The following DMD variants were observed in gnomAD, a reference collection of about 807,000 sequenced individuals.
DMD encodes the protein mutant dystrophin.
DMD carries 63 observed loss-of-function variants against 330.1 expected under a neutral mutation model. That is an observed-to-expected ratio of 0.19 (90% confidence interval 0.16 to 0.24). The LOEUF is 0.24. Among genes scored for constraint, DMD ranks in the 10% least tolerant of loss-of-function variants. The pLI, the probability that DMD is intolerant of heterozygous loss-of-function variation, is 1.00. For missense variants in DMD, 3,344 were observed against 2,684.1 expected (o/e 1.25, Z -5.43); for synonymous variants, 1,223 against 959.8 (o/e 1.27, Z -5.07).
intron 1 of DMD, among the ~76,000 whole-genome samples, chrX:33,190,886 AATAT>A (rs1288114573): frequency 0.31 from 838 of 2,704 alleles, 144 homozygotes; most frequent in Middle Eastern, 0.5. Context: ...TATAATATAT[AATAT>A]TATATATTAT....
At chrX:32,517,728 T>A in intron 18 of DMD, 1 of 407,306 alleles carries the variant, frequency 2.5e-6, no homozygotes, top group Non-Finnish European at 4.3e-6. Flanking sequence ...GGAATCAACA[T>A]GAATTAATGT....
chrX:32,542,815 T>A (rs1387405664), intron 17 of DMD, among the ~76,000 whole-genome samples: 5 of 112,066 alleles, frequency 4.5e-5, no homozygotes, highest in Non-Finnish European at 9.4e-5. Context: ...AATTTATCAA[T>A]CAAGTGTCGT....
intron 4 of DMD, among the ~76,000 whole-genome samples, chrX:32,834,602 A>C (rs1297344269): frequency 9.0e-6 from 1 of 111,296 alleles, no homozygotes; most frequent in Non-Finnish European, 1.9e-5. Flanking sequence ...CTGAATTTCC[A>C]CCCTAGGCTT....
chrX:31,213,306 G>C (rs2044962545), intron 64 of DMD, among the ~76,000 whole-genome samples: 1 of 112,610 alleles, frequency 8.9e-6, no homozygotes, highest in South Asian at 3.7e-4. Flanking sequence ...GTGTAGCCAT[G>C]GGTTGCAGGT....
intron 2 of DMD, among the ~76,000 whole-genome samples, chrX:32,899,975 T>TAA (rs66785774): frequency 9.0e-6 from 1 of 111,013 alleles, no homozygotes; most frequent in East Asian, 2.9e-4. Context: ...GTTTTGTTGA[T>TAA]AAAAAAAAGA....
At chrX:31,585,242 C>T (rs761537802) in intron 55 of DMD, among the ~76,000 whole-genome samples, 2 of 102,981 alleles carry the variant, frequency 1.9e-5, no homozygotes, top group South Asian at 4.6e-4. Context: ...GGGGATCACC[C>T]GAGCCCAGGA....
chrX:31,549,644 A>G (rs2074360771), intron 55 of DMD, among the ~76,000 whole-genome samples: 1 of 112,261 alleles, frequency 8.9e-6, no homozygotes, highest in Admixed American at 9.5e-5. Context: ...CACATCACCT[A>G]GTTTTCACGT....
At chrX:31,174,332 G>A (rs2040300852) in intron 71 of DMD, among the ~76,000 whole-genome samples, 1 of 111,663 alleles carries the variant, frequency 9.0e-6, no homozygotes, top group Non-Finnish European at 1.9e-5. Flanking sequence ...TCATTAGCAG[G>A]AATAGTCTAT....
At chrX:32,893,511 G>A (rs958597689) in intron 2 of DMD, among the ~76,000 whole-genome samples, 9 of 111,821 alleles carry the variant, frequency 8.0e-5, no homozygotes, top group Non-Finnish European at 1.3e-4. Context: ...GAAAGTGACC[G>A]TCTTCCTCCT....
chrX:33,004,842 T>C (rs1057443041), intron 2 of DMD, among the ~76,000 whole-genome samples: 3 of 111,303 alleles, frequency 2.7e-5, no homozygotes, highest in African/African-American at 6.5e-5. Context: ...TCTTGTTAAA[T>C]GTGTTTCTTG....
intron 2 of DMD, among the ~76,000 whole-genome samples, chrX:32,940,107 A>G (rs1043727885): frequency 2.7e-5 from 3 of 111,953 alleles, no homozygotes; most frequent in African/African-American, 9.7e-5. Flanking sequence ...GCAGCACATT[A>G]CCCAACTTCA....
intron 52 of DMD, among the ~76,000 whole-genome samples, chrX:31,717,794 A>C (rs766397019): frequency 2.4e-4 from 27 of 112,236 alleles, no homozygotes; most frequent in Non-Finnish European, 4.3e-4. Flanking sequence ...TTGAGACTTG[A>C]TTTTATCTTT....
chrX:32,649,906 A>G (rs2060033056), intron 9 of DMD, among the ~76,000 whole-genome samples: 1 of 111,677 alleles, frequency 9.0e-6, no homozygotes, highest in Admixed American at 9.6e-5. Context: ...TGCTGGAAAG[A>G]TTAGATGAGA....
At chrX:31,180,502 A>T in intron 68 of DMD, 21 bp from the exon 69 acceptor site, 1 of 987,123 alleles carries the variant, frequency 1.0e-6, no homozygotes, top group Non-Finnish European at 1.4e-6. Flanking sequence ...GCAAAAACAA[A>T]CACGTATGTA....
At chrX:32,470,018 T>C (rs1247631914) in intron 22 of DMD, among the ~76,000 whole-genome samples, 2 of 111,746 alleles carry the variant, frequency 1.8e-5, no homozygotes, top group Non-Finnish European at 3.8e-5. Context: ...ATATTGAATT[T>C]ACATTTCCAG....
intron 48 of DMD, among the ~76,000 whole-genome samples, chrX:31,866,993 TGTA>T (rs2093808831): frequency 9.0e-6 from 1 of 110,514 alleles, no homozygotes; most frequent in Non-Finnish European, 1.9e-5. Context: ...AAAAATGAGT[TGTA>T]GTTTCTTTTT....
At chrX:32,382,679 GGT>G (rs1265811384) in intron 33 of DMD, among the ~76,000 whole-genome samples, 18 of 108,607 alleles carry the variant, frequency 1.7e-4, no homozygotes, top group African/African-American at 5.7e-4. Context: ...GTGTTGTAGG[GGT>G]GTGTGGGGGG....
At chrX:31,497,902 A>G (rs184035912) in intron 56 of DMD, among the ~76,000 whole-genome samples, 1 of 112,444 alleles carries the variant, frequency 8.9e-6, no homozygotes, top group African/African-American at 3.2e-5. Context: ...ACATAAATAT[A>G]ATAAAGACTT....
intron 69 of DMD, 95 bp downstream of exon 69, chrX:31,180,275 C>T (rs1342950060): frequency 4.6e-6 from 3 of 647,119 alleles, no homozygotes; most frequent in Non-Finnish European, 7.7e-6. Context: ...GGGGAAGTGA[C>T]AAATCACAGC....
Sources: allele counts gnomAD v4.1 joint callset (sites outside exome capture counted in the v4.1 genomes callset), GRCh38; gene constraint gnomAD v4.1.1; transcripts MANE v1.5; gene names NCBI Gene and HGNC (gene_info 2026-07-23, HGNC 2026-07-21).